Variants in DGUOK observed in about 807,000 individuals in gnomAD.
DGUOK encodes the protein deoxyguanosine kinase, mitochondrial.
Under a neutral mutation model 36.6 loss-of-function variants are expected in DGUOK, and 30 were observed. The ratio of observed to expected loss-of-function variants is 0.82; its 90% CI spans 0.61 to 1.11. The LOEUF (loss-of-function observed/expected upper bound fraction) is 1.11, where lower values mean the gene tolerates loss of function less well. DGUOK is among the 50% of genes most tolerant of loss of function. The pLI is 0.00. For synonymous variants in DGUOK, 145 were observed against 126.3 expected (o/e 1.15, Z -0.99); for missense variants, 361 against 336.4 (o/e 1.07, Z -0.57).
rs566529734 is a variant in DGUOK, at chr2:73,935,485, A to G, written c.143-3425A>G. On this transcript the variant is annotated intron_variant, in intron 1 of 6. Coordinates refer to ENST00000264093, the MANE Select transcript of DGUOK (RefSeq NM_080916.3). ...AACACCCCAGCAAGAAGGGAAAAAA[A>G]AAATCTATGATGATCAGGTATCACA... Among the ~76,000 whole-genome samples, 554 of 152,348 alleles carry G rather than the reference A, an allele frequency of 3.6e-3. 2 individuals are homozygous for G. The highest frequency in any genetic ancestry group is 5.7e-3 in the Non-Finnish European group (391 of 68,038).
intron 4 of DGUOK, 143 bp from the exon 5 acceptor site, chr2:73,956,979 GCAT>G: frequency 2.0e-6 from 1 of 504,082 alleles, no homozygotes; most frequent in Non-Finnish European, 3.7e-6. Flanking sequence ...TCCTCTGATT[GCAT>G]AAGAAAACAA....
At chr2:73,930,782 C>G (rs949652078) in intron 1 of DGUOK, among the ~76,000 whole-genome samples, 20 of 95,486 alleles carry the variant, frequency 2.1e-4, no homozygotes, top group African/African-American at 7.5e-4. Context: ...ACATAATTTT[C>G]TTTTTTTTTT....
intron 2 of DGUOK, among the ~76,000 whole-genome samples, chr2:73,941,909 CTTTTTTTTTT>C (rs11342540): frequency 2.1e-5 from 3 of 142,510 alleles, no homozygotes; most frequent in Non-Finnish European, 4.6e-5. Flanking sequence ...TTGTCATTTT[CTTTTTTTTTT>C]TTTTTTTGAA....
rs909397300 is a variant in DGUOK at position 73,932,496 on chromosome 2, C to T, written c.142+5444C>T. On this transcript the variant is annotated intron_variant, in intron 1 of 6. Transcript: ENST00000264093. ...CTCAGTACTGACCAGATTCTTGAAT[C>T]CTGTGCTATGATATCCATGTGGAAG... 1.8e-5 allele frequency: 11 copies of T among 623,488 alleles called. No homozygotes were observed. The African/African-American group carries it at 2.1e-4, about 12-fold the overall frequency. The allele number at this position is 623,488 out of a possible 1,614,324, so 38.6% of individuals were successfully genotyped here.
chr2:73,946,622 A>G, intron 2 of DGUOK, 97 bp from the exon 3 acceptor site: 2 of 1,106,882 alleles, frequency 1.8e-6, no homozygotes, highest in Middle Eastern at 2.6e-4. Flanking sequence ...TGATTATTAA[A>G]CCTGTTTGGG....
At chr2:73,930,536 AAAGT>A (rs1318259769) in intron 1 of DGUOK, among the ~76,000 whole-genome samples, 2 of 152,234 alleles carry the variant, frequency 1.3e-5, no homozygotes, top group Admixed American at 6.5e-5. Flanking sequence ...GGTATGTCAC[AAAGT>A]AAGTACTTAG....
intron 1 of DGUOK, among the ~76,000 whole-genome samples, chr2:73,929,478 CAG>C (rs1479638565): frequency 6.6e-6 from 1 of 152,042 alleles, no homozygotes; most frequent in Admixed American, 6.6e-5. Flanking sequence ...TATGTAAGTT[CAG>C]AATTAGGGTC....
intron 1 of DGUOK, among the ~76,000 whole-genome samples, chr2:73,933,027 TA>T (rs1681175162): frequency 6.6e-6 from 1 of 151,792 alleles, no homozygotes; most frequent in South Asian, 2.1e-4. Context: ...TCAGCATTTT[TA>T]CCTTATTTTC....
At chr2:73,952,123 C>T (rs1396031144) in intron 4 of DGUOK, among the ~76,000 whole-genome samples, 3 of 152,156 alleles carry the variant, frequency 2.0e-5, no homozygotes, top group African/African-American at 7.2e-5. Context: ...GAGCTGTGAT[C>T]GTGCCACTAT....
chr2:73,944,882 A>G (rs1352811769), intron 2 of DGUOK, among the ~76,000 whole-genome samples: 2 of 152,112 alleles, frequency 1.3e-5, no homozygotes, highest in East Asian at 3.8e-4. Flanking sequence ...AGACTACAGG[A>G]GACACAAATT....
chr2:73,934,853 G>A (rs927122507), intron 1 of DGUOK, among the ~76,000 whole-genome samples: 2 of 151,780 alleles, frequency 1.3e-5, no homozygotes, highest in African/African-American at 4.8e-5. Flanking sequence ...CAGGTGGATC[G>A]CTTGAACTCA....
At chr2:73,939,971 G>A (rs1022436348) in intron 2 of DGUOK, among the ~76,000 whole-genome samples, 1 of 144,504 alleles carries the variant, frequency 6.9e-6, no homozygotes, top group Non-Finnish European at 1.5e-5. Flanking sequence ...GTGTGATCTC[G>A]GCCCACTGTA....
intron 3 of DGUOK, among the ~76,000 whole-genome samples, chr2:73,948,404 T>C (rs1034103262): frequency 6.6e-6 from 1 of 152,226 alleles, no homozygotes; most frequent in African/African-American, 2.4e-5. Context: ...ACTGTGGGCA[T>C]ACAACATTCC....
At chr2:73,938,796 A>G in intron 1 of DGUOK, 114 bp from the exon 2 acceptor site, 1 of 776,030 alleles carries the variant, frequency 1.3e-6, no homozygotes, top group Admixed American at 1.8e-5. Context: ...TTTGAAATTC[A>G]GAAAACTAAT....
chr2:73,936,986 G>A (rs1358417160), intron 1 of DGUOK, among the ~76,000 whole-genome samples: 1 of 152,216 alleles, frequency 6.6e-6, no homozygotes, highest in African/African-American at 2.4e-5. Context: ...AGGAGAGGAG[G>A]CGCTTCAGGA....
At chr2:73,953,265 G>GATGATA (rs1682825008) in intron 4 of DGUOK, among the ~76,000 whole-genome samples, 1 of 82,166 alleles carries the variant, frequency 1.2e-5, no homozygotes, top group African/African-American at 3.9e-5. Context: ...AAATGGTGAT[G>GATGATA]ATGATGATGA....
At chr2:73,928,781 T>G (rs1360048632) in intron 1 of DGUOK, among the ~76,000 whole-genome samples, 1 of 152,202 alleles carries the variant, frequency 6.6e-6, no homozygotes, top group Non-Finnish European at 1.5e-5. Context: ...AAGATCACTG[T>G]GGCTGATAAC....
At chr2:73,948,875 A>C (rs1019031920) in intron 3 of DGUOK, among the ~76,000 whole-genome samples, 1 of 152,190 alleles carries the variant, frequency 6.6e-6, no homozygotes, top group Non-Finnish European at 1.5e-5. Context: ...TTGAAGAAAT[A>C]AAGGAAGTGC....
intron 3 of DGUOK, among the ~76,000 whole-genome samples, chr2:73,949,827 T>G (rs1033094774): frequency 2.0e-5 from 3 of 152,232 alleles, no homozygotes; most frequent in African/African-American, 7.2e-5. Flanking sequence ...AGCCATGGTT[T>G]ATGTTTAGCT....
Sources: gnomAD v4.1 joint callset for allele counts (sites outside exome capture counted in the v4.1 genomes callset) on GRCh38, gnomAD v4.1.1 for gene constraint, MANE v1.5 for transcripts, NCBI Gene and HGNC (gene_info 2026-07-23, HGNC 2026-07-21) for gene names.